WASL: variants seen among roughly 807,000 people sequenced by gnomAD.
WASL encodes the protein WASP like actin nucleation promoting factor.
WASL carries 20 observed loss-of-function variants against 55.5 expected under a neutral mutation model. The observed-to-expected ratio is 0.36, with a 90% CI of 0.25 to 0.52. The LOEUF (loss-of-function observed/expected upper bound fraction) is 0.52, where lower values mean the gene tolerates loss of function less well. Among genes scored for constraint, WASL ranks in the 20% least tolerant of loss-of-function variants. The pLI is 0.92. For synonymous variants in WASL, 249 were observed against 217.6 expected, an observed-to-expected ratio of 1.14 and a Z score of -1.27; for missense variants, 504 against 622.5, an observed-to-expected ratio of 0.81 and a Z score of 2.03.
chr7:123,748,947 C>T lies in WASL; in HGVS notation c.-213G>A. The stretch of plus-strand genomic sequence containing the variant: ...CGCGCTGAGAAAGGGAAGCTCCCGG[C>T]ACCCGCCCGGCCAGGCTAGGGCCGG... On this transcript the variant is annotated 5_prime_UTR_variant, in exon 1 of 11. Coordinates refer to ENST00000223023, the MANE Select transcript of WASL (RefSeq NM_003941.4). 1.8e-6 allele frequency: 1 copy of T among 568,604 alleles called. No individual in the cohort carries two copies. Among genetic ancestry groups the T allele is most frequent in the South Asian group, 2.1e-5 (1 of 47,906 alleles). The allele number at this position is 568,604 out of a possible 1,614,324, so 35.2% of individuals were successfully genotyped here. A position where few individuals can be genotyped will look rare whatever the true frequency, so the allele number is the denominator to read the frequency against.
chr7:123,734,591 T>TAAAAA (rs71161498), intron 1 of WASL, among the ~76,000 whole-genome samples: 5 of 92,352 alleles, frequency 5.4e-5, no homozygotes, highest in South Asian at 7.8e-4. Flanking sequence ...ATAGAAAATG[T>TAAAAA]AAAAAAAAAA....
In WASL at chr7:123,725,676, T is replaced by C. The variant is rs1017673992; in HGVS notation, c.118-16453A>G. Among the ~76,000 whole-genome samples the C allele has an allele frequency of 7.9e-5, 12 of 152,306 alleles. No homozygotes were observed. The South Asian group carries it at 8.3e-4, about 11-fold the overall frequency. Reference sequence around the variant, plus strand: ...TCCTAGAAGGAACTAAGTTCATACATGAGGAAATTAAAATTGAGCTAGATT... The same window carrying C: ...TCCTAGAAGGAACTAAGTTCATACACGAGGAAATTAAAATTGAGCTAGATT... On this transcript the variant is annotated intron_variant, in intron 1 of 10. Coordinates refer to ENST00000223023, the MANE Select transcript of WASL (RefSeq NM_003941.4).
intron 1 of WASL, among the ~76,000 whole-genome samples, chr7:123,713,230 C>T (rs1424601949): frequency 1.3e-5 from 2 of 152,146 alleles, no homozygotes; most frequent in Non-Finnish European, 2.9e-5. Context: ...CTCACCACAG[C>T]ATCAAGCCCC....
At chr7:123,689,213 A>G (rs74521781) in intron 9 of WASL, 63 bp from the exon 10 acceptor site, 26,651 of 1,374,318 alleles carry the variant, frequency 0.019, 331 homozygotes, top group Middle Eastern at 0.041. Flanking sequence ...TTGTCTCCAG[A>G]AAGTCCTACT....
intron 6 of WASL, among the ~76,000 whole-genome samples, chr7:123,696,270 T>C (rs904974134): frequency 1.3e-5 from 2 of 152,068 alleles, no homozygotes; most frequent in African/African-American, 4.8e-5. Flanking sequence ...AATTTCTAAA[T>C]GCTATTTTTA....
intron 1 of WASL, among the ~76,000 whole-genome samples, chr7:123,725,394 A>C (rs1275118986): frequency 8.5e-5 from 13 of 152,180 alleles, no homozygotes; most frequent in African/African-American, 2.9e-4. Context: ...GAGGGATATA[A>C]TTTGAAAACT....
At chr7:123,713,681 A>G (rs1803795596) in intron 1 of WASL, among the ~76,000 whole-genome samples, 1 of 152,216 alleles carries the variant, frequency 6.6e-6, no homozygotes, top group Admixed American at 6.5e-5. Flanking sequence ...GCTAAGATTT[A>G]AATACATTCC....
chr7:123,715,203 T>A (rs1056971647), intron 1 of WASL, among the ~76,000 whole-genome samples: 1 of 152,196 alleles, frequency 6.6e-6, no homozygotes. Flanking sequence ...GATTTGTCTA[T>A]GTGACTTGTT....
chr7:123,737,052 A>G (rs189763272), intron 1 of WASL, among the ~76,000 whole-genome samples: 165 of 152,342 alleles, frequency 1.1e-3, no homozygotes, highest in African/African-American at 3.8e-3. Context: ...TCTAAGACTT[A>G]GGGCTGTCTA....
At chr7:123,718,164 C>T (rs1478626340) in intron 1 of WASL, among the ~76,000 whole-genome samples, 2 of 152,086 alleles carry the variant, frequency 1.3e-5, no homozygotes, top group Non-Finnish European at 2.9e-5. Context: ...AAGTTTATGG[C>T]ATTTTTTATT....
Position 123,682,416 on chromosome 7 carries a change from A to G in WASL, c.*2103T>C, listed in dbSNP as rs1328076243. 1.3e-5 allele frequency: 2 copies of G among 152,164 alleles called. No individual in the cohort carries two copies. The highest frequency in any genetic ancestry group is 6.6e-5 in the Admixed American group (1 of 15,264). The allele number at this position is 152,164 out of a possible 1,614,324, so 9.4% of individuals were successfully genotyped here. A position where few individuals can be genotyped will look rare whatever the true frequency, so the allele number is the denominator to read the frequency against. The stretch of plus-strand genomic sequence containing the variant: ...CCAATGTCTTTTTCTTCTTTAAGAA[A>G]AAAAGAATAAATTAATTACCTTTGG... On this transcript the variant is annotated 3_prime_UTR_variant, in exon 11 of 11. Transcript: ENST00000223023.
At position 123,682,987 on chromosome 7, in the gene WASL, A is replaced by T. The variant is rs1300332383; in HGVS notation, c.*1532T>A. Reference sequence around the variant, plus strand: ...TTTTAAATTATTTCTTATGATAACTAGATGCATGATCACTAGAGATTATGT... The same window carrying T: ...TTTTAAATTATTTCTTATGATAACTTGATGCATGATCACTAGAGATTATGT... On this transcript the variant is annotated 3_prime_UTR_variant, in exon 11 of 11. Coordinates refer to ENST00000223023, the MANE Select transcript of WASL (RefSeq NM_003941.4). 1 of 151,692 alleles carries T rather than the reference A, an allele frequency of 6.6e-6. No individual in the cohort carries two copies. The highest frequency in any genetic ancestry group is 2.4e-5 in the African/African-American group (1 of 41,034). 9.4% of individuals were successfully genotyped at this position (151,692 alleles called of 1,614,324 possible).
intron 8 of WASL, among the ~76,000 whole-genome samples, chr7:123,693,911 T>C (rs1354516323): frequency 6.6e-6 from 1 of 152,180 alleles, no homozygotes; most frequent in East Asian, 1.9e-4. Context: ...AGACTAGTAC[T>C]GGCATAATAA....
chr7:123,734,591 TAA>T (rs71161498), intron 1 of WASL, among the ~76,000 whole-genome samples: 5 of 92,346 alleles, frequency 5.4e-5, no homozygotes, highest in Admixed American at 1.3e-4. Context: ...ATAGAAAATG[TAA>T]AAAAAAAAAA....
chr7:123,736,558 T>C (rs1189342360), intron 1 of WASL, among the ~76,000 whole-genome samples: 1 of 152,170 alleles, frequency 6.6e-6, no homozygotes, highest in Non-Finnish European at 1.5e-5. Context: ...GTGATAGGGA[T>C]TTTTCTGCTC....
intron 1 of WASL, among the ~76,000 whole-genome samples, chr7:123,728,001 A>ATC (rs1332113498): frequency 6.6e-6 from 1 of 152,226 alleles, no homozygotes; most frequent in Non-Finnish European, 1.5e-5. Flanking sequence ...TTGAAAAGAA[A>ATC]TGTACCTCAC....
At chr7:123,716,659 G>A (rs544978711) in intron 1 of WASL, among the ~76,000 whole-genome samples, 1 of 152,032 alleles carries the variant, frequency 6.6e-6, no homozygotes, top group African/African-American at 2.4e-5. Flanking sequence ...AAGAGAGAGG[G>A]AGAGAGAAAG....
chr7:123,742,878 G>A (rs148964633), intron 1 of WASL, among the ~76,000 whole-genome samples: 1,705 of 152,208 alleles, frequency 0.011, 21 homozygotes, highest in South Asian at 0.042. Context: ...TATTAGTCTC[G>A]GCTGTGCAAA....
intron 1 of WASL, among the ~76,000 whole-genome samples, chr7:123,711,157 T>C (rs1803748870): frequency 6.6e-6 from 1 of 152,040 alleles, no homozygotes; most frequent in Admixed American, 6.6e-5. Flanking sequence ...AGTTATTCAA[T>C]AGGGTCTGAA....
Sources: allele counts gnomAD v4.1 joint callset (sites outside exome capture counted in the v4.1 genomes callset), GRCh38; gene constraint gnomAD v4.1.1; transcripts MANE v1.5; gene names NCBI Gene and HGNC (gene_info 2026-07-23, HGNC 2026-07-21).